SLC24A3: variants seen among roughly 807,000 people sequenced by gnomAD.
SLC24A3 encodes solute carrier family 24 member 3.
Under a neutral mutation model 75.8 loss-of-function variants are expected in SLC24A3, and 28 were observed. That is an observed-to-expected ratio of 0.37 (90% confidence interval 0.27 to 0.51). The LOEUF (loss-of-function observed/expected upper bound fraction) is 0.51, where lower values mean the gene tolerates loss of function less well. SLC24A3 is among the 20% of genes least tolerant of loss of function. The pLI is 0.94. For missense variants in SLC24A3, 663 were observed against 847.8 expected, an observed-to-expected ratio of 0.78 and a Z score of 2.71; for synonymous variants, 372 against 334.1, an observed-to-expected ratio of 1.11 and a Z score of -1.24.
At chr20:19,398,497 A>C (rs1468147590) in intron 2 of SLC24A3, among the ~76,000 whole-genome samples, 1 of 152,162 alleles carries the variant, frequency 6.6e-6, no homozygotes, top group African/African-American at 2.4e-5. Context: ...GTTAGCATTT[A>C]AAAATGTGAT....
At chr20:19,285,504 G>T (rs1266670456) in intron 2 of SLC24A3, among the ~76,000 whole-genome samples, 1 of 127,714 alleles carries the variant, frequency 7.8e-6, no homozygotes, top group Non-Finnish European at 1.7e-5. Flanking sequence ...AAAAAAAAAG[G>T]CATTTTTCCT....
chr20:19,634,687 C>T (rs376749562), intron 6 of SLC24A3, among the ~76,000 whole-genome samples: 4 of 151,924 alleles, frequency 2.6e-5, no homozygotes, highest in African/African-American at 7.3e-5. Context: ...AGTTCTAGAA[C>T]AGTGAAAACT....
intron 1 of SLC24A3, among the ~76,000 whole-genome samples, chr20:19,237,852 A>C (rs902196790): frequency 6.6e-6 from 1 of 151,992 alleles, no homozygotes; most frequent in Non-Finnish European, 1.5e-5. Flanking sequence ...CTTCTGATTT[A>C]AGCCTGGGCC....
Position 19,532,122 on chromosome 20 carries a change from A to G in SLC24A3, c.348+16558A>G, listed in dbSNP as rs117851428. Among the ~76,000 whole-genome samples, 549 of 152,282 alleles carry G rather than the reference A, an allele frequency of 3.6e-3. 3 individuals are homozygous for G. The highest frequency in any genetic ancestry group is 6.0e-3 in the Non-Finnish European group (409 of 68,020). On this transcript the variant is annotated intron_variant, in intron 3 of 16. Coordinates refer to ENST00000328041, the MANE Select transcript of SLC24A3 (RefSeq NM_020689.4). ...AAGGAAGTCCAGCCTTGAGCAGTGG[A>G]CATGTTGTTTGATCAGTTTTCTCAG...
Position 19,492,574 on chromosome 20 carries a change from T to A in SLC24A3, c.272-22914T>A, listed in dbSNP as rs541105856. On this transcript the variant is annotated intron_variant, in intron 2 of 16. Transcript: ENST00000328041. ...GTAGAATCCCACTCACTATGGACCT[T>A]TAGCCTTTTACTCCTGAGGCCAGGG... Among the ~76,000 whole-genome samples, 9 of 152,312 alleles carry A rather than the reference T, an allele frequency of 5.9e-5. No individual in the cohort carries two copies. In the East Asian group the frequency reaches 1.5e-3, roughly 26 times the overall value.
At chr20:19,567,629 G>A (rs1020911786) in intron 3 of SLC24A3, among the ~76,000 whole-genome samples, 1 of 152,148 alleles carries the variant, frequency 6.6e-6, no homozygotes, top group Admixed American at 6.5e-5. Flanking sequence ...CATGTAACAA[G>A]CCTGCACATC....
intron 2 of SLC24A3, among the ~76,000 whole-genome samples, chr20:19,438,903 G>A (rs1352758344): frequency 1.3e-5 from 2 of 152,236 alleles, no homozygotes. Flanking sequence ...TTTGACCTCT[G>A]CATCCTCCCT....
chr20:19,255,338 G>C (rs1291553341), intron 1 of SLC24A3, among the ~76,000 whole-genome samples: 1 of 152,230 alleles, frequency 6.6e-6, no homozygotes, highest in African/African-American at 2.4e-5. Context: ...CTCTCTTTAG[G>C]ATGATCGTGG....
intron 2 of SLC24A3, among the ~76,000 whole-genome samples, chr20:19,341,750 T>A (rs1985277799): frequency 6.6e-6 from 1 of 152,104 alleles, no homozygotes; most frequent in Admixed American, 6.6e-5. Context: ...CTTTTTGATA[T>A]CCTCTGTCTC....
At chr20:19,288,446 G>A (rs963202322) in intron 2 of SLC24A3, among the ~76,000 whole-genome samples, 3 of 152,202 alleles carry the variant, frequency 2.0e-5, no homozygotes, top group East Asian at 1.9e-4. Context: ...AGCCCAGGCA[G>A]CCTAATTTGG....
intron 6 of SLC24A3, among the ~76,000 whole-genome samples, chr20:19,626,352 T>C: frequency 6.6e-6 from 1 of 152,214 alleles, no homozygotes; most frequent in East Asian, 1.9e-4. Flanking sequence ...AATATTCTTA[T>C]CATTTTTCCT....
At chr20:19,420,349 TG>T (rs777567371) in intron 2 of SLC24A3, among the ~76,000 whole-genome samples, 20 of 87,638 alleles carry the variant, frequency 2.3e-4, no homozygotes, top group Admixed American at 9.1e-4. Context: ...TACCCAGTAA[TG>T]GGATGGCTGG....
intron 2 of SLC24A3, among the ~76,000 whole-genome samples, chr20:19,299,721 C>G (rs1323459884): frequency 1.3e-5 from 2 of 152,196 alleles, no homozygotes; most frequent in Non-Finnish European, 2.9e-5. Flanking sequence ...GGTATCAGCA[C>G]AGAAGCACAG....
intron 6 of SLC24A3, among the ~76,000 whole-genome samples, chr20:19,628,850 T>C (rs190063370): frequency 5.2e-4 from 79 of 152,270 alleles, no homozygotes; most frequent in African/African-American, 1.8e-3. Context: ...GCAGAATCTC[T>C]AGTGGGGCTA....
chr20:19,505,324 C>T (rs923627756), intron 2 of SLC24A3, among the ~76,000 whole-genome samples: 2 of 152,142 alleles, frequency 1.3e-5, no homozygotes, highest in African/African-American at 4.8e-5. Context: ...ATTGCAAATC[C>T]ACCGCAAATT....
chr20:19,568,309 G>A (rs1467863845), intron 3 of SLC24A3, among the ~76,000 whole-genome samples: 1 of 152,142 alleles, frequency 6.6e-6, no homozygotes, highest in Non-Finnish European at 1.5e-5. Context: ...AATTGAAATC[G>A]GGGACTCAAA....
chr20:19,547,324 A>G (rs2030616721), intron 3 of SLC24A3, among the ~76,000 whole-genome samples: 1 of 152,222 alleles, frequency 6.6e-6, no homozygotes, highest in African/African-American at 2.4e-5. Flanking sequence ...TGAAATTTCT[A>G]GAAAAGGCAA....
intron 5 of SLC24A3, 112 bp from the exon 6 acceptor site, chr20:19,585,329 C>A: frequency 9.6e-7 from 1 of 1,045,064 alleles, no homozygotes; most frequent in South Asian, 1.5e-5. Flanking sequence ...CACCCCTCAG[C>A]TGTTTCCTGT....
chr20:19,516,147 A>C (rs888619651), intron 3 of SLC24A3, among the ~76,000 whole-genome samples: 2 of 152,192 alleles, frequency 1.3e-5, no homozygotes, highest in Non-Finnish European at 2.9e-5. Context: ...GATGAACAAG[A>C]AAAGCTTGTT....
Sources: allele counts gnomAD v4.1 joint callset (sites outside exome capture counted in the v4.1 genomes callset), GRCh38; gene constraint gnomAD v4.1.1; transcripts MANE v1.5; gene names NCBI Gene and HGNC (gene_info 2026-07-23, HGNC 2026-07-21).